The following ITIH5 variants were observed in gnomAD, a reference collection of about 807,000 sequenced individuals.
ITIH5 encodes inter-alpha-trypsin inhibitor heavy chain H5.
ITIH5 carries 65 observed loss-of-function variants against 77.5 expected under a neutral mutation model. The ratio of observed to expected loss-of-function variants is 0.84; its 90% confidence interval spans 0.69 to 1.03. ITIH5 has a LOEUF of 1.03. Among genes scored for constraint, ITIH5 ranks in the 50% least tolerant of loss-of-function variants. The probability of loss-of-function intolerance (pLI) is 0.00; values close to 1 mark genes in which losing one functional copy is unlikely to be tolerated. For synonymous variants in ITIH5, 525 were observed against 494.3 expected (o/e 1.06, Z -0.82); for missense variants, 1,208 against 1,213.1 (o/e 1.00, Z 0.06).
chr10:7,641,736 GAGA>G (rs1362097351), intron 3 of ITIH5, among the ~76,000 whole-genome samples, 188 bp downstream of exon 3: 2 of 150,592 alleles, frequency 1.3e-5, no homozygotes, highest in African/African-American at 2.5e-5. Flanking sequence ...GAGGGAAAAA[GAGA>G]AGAAGAAAAG....
At position 7,655,664 on chromosome 10, in the gene ITIH5, C is replaced by T; in HGVS notation, c.102G>A (p.Arg34=). The change falls in exon 2 of 14, where the codon AGG becomes AGA. Residue 34 remains arginine (R), a synonymous_variant. Coordinates refer to ENST00000397146, the MANE Select transcript of ITIH5 (RefSeq NM_030569.7). ...GCAACAGTCTGACTTGCCTCGGGAC[C>T]CTGAGTCCATCCTAGAAAAGAGAAG... The part of the protein sequence containing the change: ...WGHSSEQDGL[R]VPRQVRLLQR... 1 of 1,612,304 alleles carries T rather than the reference C, an allele frequency of 6.2e-7. No individual in the cohort carries two copies. The highest frequency in any genetic ancestry group is 8.5e-7 in the Non-Finnish European group (1 of 1,178,520).
In ITIH5 at chr10:7,562,739, G is replaced by C. The variant is rs558660640; in HGVS notation, c.*344C>G. The C allele has an allele frequency of 1.6e-4, 36 of 232,118 alleles. No individual in the cohort carries two copies. The highest frequency in any genetic ancestry group is 2.6e-4 in the Non-Finnish European group (30 of 117,374). 14.4% of individuals were successfully genotyped at this position (232,118 alleles called of 1,614,324 possible). ...ATAGCAACCTTCCTTCACCAGAAAGGCTTACTTTATGATATGCTAACAGAA... is the reference window on the plus strand; with the variant it reads ...ATAGCAACCTTCCTTCACCAGAAAGCCTTACTTTATGATATGCTAACAGAA... On this transcript the variant is annotated 3_prime_UTR_variant, in exon 14 of 14. Transcript: ENST00000397146.
chr10:7,615,937 G>T (rs571467089), intron 7 of ITIH5, 45 bp downstream of exon 7: 1 of 1,201,740 alleles, frequency 8.3e-7, no homozygotes, highest in East Asian at 2.3e-5. Context: ...CATTGTCCCA[G>T]GCAAAAGCGA....
At chr10:7,594,800 C>G (rs1291987632) in intron 7 of ITIH5, among the ~76,000 whole-genome samples, 1 of 152,134 alleles carries the variant, frequency 6.6e-6, no homozygotes, top group Non-Finnish European at 1.5e-5. Context: ...GAGGAATTAG[C>G]AAGTCTTGGG....
chr10:7,648,091 A>G (rs1834034249), intron 2 of ITIH5, among the ~76,000 whole-genome samples: 1 of 152,062 alleles, frequency 6.6e-6, no homozygotes, highest in South Asian at 2.1e-4. Flanking sequence ...AAAAAAAAAA[A>G]AAATACAAAA....
At chr10:7,666,248 G>A (rs1204481245) in intron 1 of ITIH5, among the ~76,000 whole-genome samples, 2 of 151,938 alleles carry the variant, frequency 1.3e-5, no homozygotes, top group Non-Finnish European at 2.9e-5. Flanking sequence ...CCTGACAAAC[G>A]CACAGACCAG....
At chr10:7,641,135 T>G (rs1393862704) in intron 3 of ITIH5, among the ~76,000 whole-genome samples, 1 of 152,182 alleles carries the variant, frequency 6.6e-6, no homozygotes. Flanking sequence ...TTCACCAACT[T>G]ACATCTGACC....
At chr10:7,563,531 C>T (rs990826354) in intron 13 of ITIH5, 147 bp from the exon 14 acceptor site, 17 of 684,016 alleles carry the variant, frequency 2.5e-5, no homozygotes, top group Non-Finnish European at 4.1e-5. Flanking sequence ...AGAACATGTG[C>T]TCTGGGGGGC....
At position 7,586,068 on chromosome 10, in the gene ITIH5, G is replaced by A; in HGVS notation, c.941C>T (p.Thr314Ile). The A allele has an allele frequency of 6.2e-7, 1 of 1,611,738 alleles. No individual in the cohort carries two copies. Among genetic ancestry groups the A allele is most frequent in the South Asian group, 1.1e-5 (1 of 90,652 alleles). The change falls in exon 8 of 14, where the codon ACC (threonine) becomes ATC (isoleucine). Residue 314 changes from threonine (T) to isoleucine (I), a missense_variant and splice_region_variant. Transcript: ENST00000397146. ...ASMVGTKLRQ[T>I]KDALFTILHD... Reference sequence around the variant, plus strand: ...GAGAATTGTGAAGAGGGCATCCTTGGTCTAGGCAAACACAAAAGCAAAACC... The same window carrying A: ...GAGAATTGTGAAGAGGGCATCCTTGATCTAGGCAAACACAAAAGCAAAACC...
intron 5 of ITIH5, among the ~76,000 whole-genome samples, chr10:7,623,525 C>T (rs975486099): frequency 5.3e-5 from 8 of 152,116 alleles, no homozygotes; most frequent in African/African-American, 1.9e-4. Context: ...TTCATAAGGC[C>T]GGGCGTGGTG....
chr10:7,650,006 C>T (rs1834071815), intron 2 of ITIH5, among the ~76,000 whole-genome samples: 6 of 152,192 alleles, frequency 3.9e-5, no homozygotes, highest in Admixed American at 3.9e-4. Context: ...CTTCCTGTGA[C>T]ATAAGATAAT....
chr10:7,580,028 C>T lies in ITIH5; in HGVS notation c.1145G>A (p.Arg382Lys). 1.2e-6 allele frequency: 2 copies of T among 1,611,908 alleles called. No homozygotes were observed. Among genetic ancestry groups the T allele is most frequent in the South Asian group, 1.1e-5 (1 of 90,774 alleles). The change falls in exon 9 of 14, where the codon AGG becomes AAG. Residue 382 changes from arginine to lysine, a missense_variant. Physicochemically the swap from Arg to Lys is conservative, Grantham distance 26. Coordinates refer to ENST00000397146, the MANE Select transcript of ITIH5 (RefSeq NM_030569.7). ...DINGALQRAI[R>K]LLNKYVAHSG... ...GTGGGCCACGTACTTGTTGAGGAGCCTGATGGCCCTCTGCAGGGCCCCGTT... is the reference window on the plus strand; with the variant it reads ...GTGGGCCACGTACTTGTTGAGGAGCTTGATGGCCCTCTGCAGGGCCCCGTT...
intron 7 of ITIH5, among the ~76,000 whole-genome samples, chr10:7,614,211 T>C (rs115519561): frequency 0.022 from 3,349 of 152,240 alleles, 132 homozygotes; most frequent in African/African-American, 0.07. Context: ...AGATGGAAAG[T>C]CAAGAAAGCA....
intron 11 of ITIH5, chr10:7,572,099 G>A: frequency 9.7e-7 from 1 of 1,035,196 alleles, no homozygotes. Flanking sequence ...AGCTTTTCTG[G>A]CATTCCATAA....
chr10:7,644,606 C>CATATATATCATATATATCAT lies in ITIH5; in HGVS notation c.136-2517_136-2516insATGATATATATGATATATAT, dbSNP rs1564277689. The stretch of plus-strand genomic sequence containing the variant: ...TATCACATATATATCATACATATCA[C>CATATATATCATATATATCAT]ATATATCACATATATATCACATATA... On this transcript the variant is annotated intron_variant, in intron 2 of 13. Transcript: ENST00000397146. 1.2e-3 allele frequency among the ~76,000 whole-genome samples: 128 copies of CATATATATCATATATATCAT among 106,442 alleles called. 1 individual carries two copies. The highest frequency in any genetic ancestry group is 2.2e-3 in the Admixed American group (23 of 10,256). The allele number at this position is 106,442 out of a possible 152,430, so 69.8% of individuals were successfully genotyped here.
intron 4 of ITIH5, among the ~76,000 whole-genome samples, chr10:7,640,148 CAAAAAAAAAA>C (rs56939703): frequency 1.2e-5 from 1 of 80,280 alleles, no homozygotes; most frequent in Non-Finnish European, 2.3e-5. Context: ...GGGGTAACTA[CAAAAAAAAAA>C]AAAAAAAAAA....
chr10:7,588,443 G>A (rs1178709210), intron 7 of ITIH5, among the ~76,000 whole-genome samples: 5 of 152,182 alleles, frequency 3.3e-5, no homozygotes, highest in African/African-American at 1.2e-4. Context: ...ACTTGAACCT[G>A]GGAGGCGGAG....
At chr10:7,571,805 T>G (rs1218958956) in intron 11 of ITIH5, 1 of 188,370 alleles carries the variant, frequency 5.3e-6, no homozygotes, top group Non-Finnish European at 9.9e-6. Flanking sequence ...CTACATTGTT[T>G]AAGGAACAAA....
chr10:7,619,680 C>G (rs1236627442), intron 5 of ITIH5: 1 of 251,128 alleles, frequency 4.0e-6, no homozygotes, highest in East Asian at 1.1e-4. Context: ...AGAGACAGAA[C>G]TGGGAAGCGC....
Sources: gnomAD v4.1 joint callset for allele counts (sites outside exome capture counted in the v4.1 genomes callset) on GRCh38, gnomAD v4.1.1 for gene constraint, MANE v1.5 for transcripts, NCBI Gene and HGNC (gene_info 2026-07-23, HGNC 2026-07-21) for gene names.